The following ZNF91 variants were observed in gnomAD, a reference collection of about 807,000 sequenced individuals.
ZNF91 encodes the protein zinc finger protein 91 (HPF7, HTF10).
ZNF91 carries 7 observed loss-of-function variants against 12.6 expected under a neutral mutation model. The ratio of observed to expected loss-of-function variants is 0.55; its 90% CI spans 0.31 to 1.04. The LOEUF is 1.04. Ranked by LOEUF, ZNF91 falls within the 50% of genes least tolerant of loss-of-function variation. ZNF91 has a pLI of 0.05. For synonymous variants in ZNF91, 453 were observed against 462.6 expected, an observed-to-expected ratio of 0.98 and a Z score of 0.27; for missense variants, 1,217 against 1,385.4, an observed-to-expected ratio of 0.88 and a Z score of 1.93.
chr19:23,382,011 C>T (rs1473969101), intron 1 of ZNF91, among the ~76,000 whole-genome samples: 1 of 97,552 alleles, frequency 1.0e-5, no homozygotes, highest in Admixed American at 1.2e-4. Flanking sequence ...AAAAACGAAG[C>T]AATTAATCTC....
In ZNF91 at chr19:23,343,176, G is replaced by GT. The variant is rs150876198; in HGVS notation, c.254-4123dup. Among the ~76,000 whole-genome samples, 617 of 152,288 alleles carry GT rather than the reference G, an allele frequency of 4.1e-3. 9 individuals are homozygous for GT. The highest frequency in any genetic ancestry group is 0.014 in the African/African-American group (593 of 41,546). ...GAGTGCCATATTTACATTATACACAGTAAGTTCTGTCCAGTTCTCATATGG... is the reference window on the plus strand; with the variant it reads ...GAGTGCCATATTTACATTATACACAGTTAAGTTCTGTCCAGTTCTCATATGG... On this transcript the variant is annotated intron_variant, in intron 3 of 3. Transcript: ENST00000599743.
At chr19:23,395,262 G>C in intron 1 of ZNF91, 63 bp downstream of exon 1, 1 of 1,588,796 alleles carries the variant, frequency 6.3e-7, no homozygotes. Context: ...CGCCACAGCC[G>C]CATCCCACCG....
chr19:23,333,311 C>T (rs1967956010), intron 1 of ZNF91, among the ~76,000 whole-genome samples: 1 of 152,106 alleles, frequency 6.6e-6, no homozygotes, highest in Non-Finnish European at 1.5e-5. Context: ...TATAGAAACT[C>T]AAGGTTTTGC....
At chr19:23,322,207 G>T (rs1229567295) in intron 1 of ZNF91, among the ~76,000 whole-genome samples, 1 of 152,158 alleles carries the variant, frequency 6.6e-6, no homozygotes, top group Non-Finnish European at 1.5e-5. Context: ...AGAAGGCATT[G>T]TGCCATATCT....
At chr19:23,382,830 T>C (rs1734078540) in intron 1 of ZNF91, among the ~76,000 whole-genome samples, 1 of 152,066 alleles carries the variant, frequency 6.6e-6, no homozygotes, top group Non-Finnish European at 1.5e-5. Context: ...CCTAAACAGA[T>C]GAACAAGAAG....
Position 23,374,678 on chromosome 19 carries a change from C to T in ZNF91, c.117G>A (p.Arg39=), listed in dbSNP as rs776865480. 3.5e-5 allele frequency: 57 copies of T among 1,612,272 alleles called. 1 individual carries two copies. Among genetic ancestry groups the T allele is most frequent in the South Asian group, 2.3e-4 (21 of 90,988 alleles). Residue 39 remains arginine, a synonymous_variant, in exon 2 of 4, where the codon AGG becomes AGA. Coordinates refer to ENST00000300619, the MANE Select transcript of ZNF91 (RefSeq NM_003430.4). ...TTCTGTAGTTCTCTAACATCACATT[C>T]CTATATAAATTCTGCTGTGCAGTGT... ...CLDTAQQNLY[R]NVMLENYRNL... is the part of the protein sequence containing the mutation.
intron 3 of ZNF91, among the ~76,000 whole-genome samples, chr19:23,363,123 AAAAAG>A (rs1339623884): frequency 4.6e-5 from 7 of 152,238 alleles, no homozygotes; most frequent in Non-Finnish European, 1.0e-4. Context: ...CACACAGAAA[AAAAAG>A]AAAAGTCTGT....
rs1308555693 is a variant in ZNF91, at chr19:23,360,878, G to C, written c.2101C>G (p.Leu701Val). 8 of 1,613,694 alleles carry C rather than the reference G, an allele frequency of 5.0e-6. No individual in the cohort carries two copies. In the East Asian group the frequency reaches 8.9e-5, roughly 18 times the overall value. The change falls in exon 4 of 4, where the codon CTT becomes GTT. Residue 701 changes from leucine to valine, a missense_variant. By Grantham distance (32) the Leu-to-Val change is conservative. Coordinates refer to ENST00000300619, the MANE Select transcript of ZNF91 (RefSeq NM_003430.4). ...GCATGTATTATTTTATGTTTAGTAA[G>C]GGTTGAGAGTCGCTTAAAAGTTTTG... is the stretch of plus-strand genomic sequence containing the variant. ...CDKTFKRLST[L>V]TKHKIIHAGE... is the part of the protein sequence containing the mutation.
intron 1 of ZNF91, among the ~76,000 whole-genome samples, chr19:23,376,007 T>C (rs1226130329): frequency 6.6e-6 from 1 of 152,228 alleles, no homozygotes; most frequent in African/African-American, 2.4e-5. Flanking sequence ...CAATTTTTAA[T>C]AGTGATTTTA....
intron 1 of ZNF91, among the ~76,000 whole-genome samples, chr19:23,309,260 C>T (rs1967436706): frequency 6.6e-6 from 1 of 152,094 alleles, no homozygotes; most frequent in Admixed American, 6.6e-5. Context: ...TGGGCGATGA[C>T]CACCAGAGGC....
downstream of ZNF91, among the ~76,000 whole-genome samples, chr19:23,355,688 C>T (rs752339149): frequency 2.1e-4 from 32 of 152,112 alleles, no homozygotes; most frequent in Non-Finnish European, 4.6e-4. Flanking sequence ...GGGAGAAAAT[C>T]TTCACAATCT....
downstream of ZNF91, among the ~76,000 whole-genome samples, chr19:23,335,220 T>C (rs1227693500): frequency 6.6e-6 from 1 of 152,184 alleles, no homozygotes; most frequent in Non-Finnish European, 1.5e-5. Flanking sequence ...CTGTATGAGA[T>C]GTCAGTTGGC....
chr19:23,384,818 A>G (rs1969823483), intron 1 of ZNF91: 2 of 697,930 alleles, frequency 2.9e-6, no homozygotes, highest in African/African-American at 3.5e-5. Context: ...GTGTTCACAG[A>G]AACACCCTCC....
At chr19:23,323,658 CCTTTCCTCTT>C (rs1967765236) in intron 1 of ZNF91, among the ~76,000 whole-genome samples, 1 of 140,946 alleles carries the variant, frequency 7.1e-6, no homozygotes. Context: ...CTCTCCTCCT[CCTTTCCTCTT>C]CTCTCCTCCT....
chr19:23,376,636 G>A (rs909134187), intron 1 of ZNF91, among the ~76,000 whole-genome samples: 15 of 152,126 alleles, frequency 9.9e-5, no homozygotes, highest in Admixed American at 7.9e-4. Flanking sequence ...TGATCTGCCC[G>A]CCTCGGCCTC....
chr19:23,393,547 C>G (rs1568407786), intron 1 of ZNF91, among the ~76,000 whole-genome samples: 2 of 152,142 alleles, frequency 1.3e-5, no homozygotes, highest in Non-Finnish European at 2.9e-5. Context: ...CAAAAACATT[C>G]TGGTAAGATA....
intron 2 of ZNF91, 45 bp from the exon 3 acceptor site, chr19:23,373,882 C>T (rs771283571): frequency 7.0e-7 from 1 of 1,420,182 alleles, no homozygotes; most frequent in South Asian, 1.3e-5. Flanking sequence ...TCATATTCTC[C>T]ACCTGCCAAC....
downstream of ZNF91, among the ~76,000 whole-genome samples, chr19:23,333,838 C>T (rs574888613): frequency 3.9e-5 from 6 of 152,272 alleles, no homozygotes; most frequent in African/African-American, 1.2e-4. Context: ...TAGTGGAAAG[C>T]AATGTGGATT....
At chr19:23,333,687 T>C (rs571478668) in intron 1 of ZNF91, among the ~76,000 whole-genome samples, 1 of 152,338 alleles carries the variant, frequency 6.6e-6, no homozygotes, top group Admixed American at 6.5e-5. Flanking sequence ...AGGACTATTT[T>C]GAAACTAGGA....
Sources: allele counts gnomAD v4.1 joint callset (sites outside exome capture counted in the v4.1 genomes callset), GRCh38; gene constraint gnomAD v4.1.1; transcripts MANE v1.5; gene names NCBI Gene and HGNC (gene_info 2026-07-23, HGNC 2026-07-21).